Variants in PRRC2B observed in about 807,000 individuals in gnomAD.
PRRC2B encodes protein PRRC2B.
Under a neutral mutation model 242.3 loss-of-function variants are expected in PRRC2B, and 68 were observed. The ratio of observed to expected loss-of-function variants is 0.28; its 90% CI spans 0.23 to 0.34. The LOEUF is 0.34. Ranked by LOEUF, PRRC2B falls within the 10% of genes least tolerant of loss-of-function variation. The pLI is 1.00. For missense variants in PRRC2B, 2,835 were observed against 2,954.8 expected, an observed-to-expected ratio of 0.96 and a Z score of 0.94; for synonymous variants, 1,228 against 1,173.6, an observed-to-expected ratio of 1.05 and a Z score of -0.95.
In PRRC2B at chr9:131,465,030, A is replaced by T. The variant is rs766484896; in HGVS notation, c.1672A>T (p.Ser558Cys). The part of the protein sequence containing the change: ...QAEKEVPWSP[S>C]AEKASPQENG... ...AGAGAAGGAAGTGCCCTGGTCTCCAAGTGCTGAGAAGGCATCTCCCCAGGA... is the reference window on the plus strand; with the variant it reads ...AGAGAAGGAAGTGCCCTGGTCTCCATGTGCTGAGAAGGCATCTCCCCAGGA... The change falls in exon 12 of 32, where the codon AGT becomes TGT. Residue 558 changes from serine to cysteine, a missense_variant. Physicochemically the swap from Ser to Cys is moderately radical, Grantham distance 112. This residue lies in a region of PRRC2B where 1,536 missense variants were observed against 1,483.1 expected (regional missense o/e 1.04). Transcript: ENST00000683519. 4 of 1,613,954 alleles carry T rather than the reference A, an allele frequency of 2.5e-6. No individual in the cohort carries two copies. In the East Asian group the frequency reaches 8.9e-5, roughly 36 times the overall value.
intron 5 of PRRC2B, among the ~76,000 whole-genome samples, chr9:131,440,093 G>A (rs1439549230): frequency 2.6e-5 from 4 of 151,944 alleles, no homozygotes; most frequent in Admixed American, 2.0e-4. Flanking sequence ...GATTGGTTGC[G>A]ACGAGATCTC....
intron 1 of PRRC2B, among the ~76,000 whole-genome samples, chr9:131,402,478 TTTTA>T (rs1318326752): frequency 6.6e-6 from 1 of 152,226 alleles, no homozygotes; most frequent in Non-Finnish European, 1.5e-5. Flanking sequence ...ATCTACCACA[TTTTA>T]TTTATTCATT....
intron 1 of PRRC2B, among the ~76,000 whole-genome samples, chr9:131,410,099 G>A (rs1301549196): frequency 6.6e-6 from 1 of 152,180 alleles, no homozygotes; most frequent in Non-Finnish European, 1.5e-5. Context: ...CTCACCATAT[G>A]TTGAAATCAT....
chr9:131,397,255 C>T (rs1165369476), intron 1 of PRRC2B, among the ~76,000 whole-genome samples: 1 of 152,222 alleles, frequency 6.6e-6, no homozygotes, highest in Non-Finnish European at 1.5e-5. Flanking sequence ...ATGCTGATTG[C>T]ATGCCCTTGC....
At chr9:131,441,991 T>C (rs200634414) in intron 5 of PRRC2B, among the ~76,000 whole-genome samples, 9 of 146,626 alleles carry the variant, frequency 6.1e-5, no homozygotes, top group Admixed American at 2.1e-4. Flanking sequence ...TTTTTTTTTT[T>C]CCTACCCTTT....
At position 131,488,018 on chromosome 9, in the gene PRRC2B, A is replaced by C; in HGVS notation, c.6147A>C (p.Gln2049His). The part of the protein sequence containing the change: ...GSPYQPMSGN[Q>H]ALVYEGQLSQ... ...CCTACCAGCCCATGAGCGGGAACCA[A>C]GCCCTGGTCTACGAGGGCCAGCTCA... The change falls in exon 28 of 32, where the codon CAA (glutamine) becomes CAC (histidine). Residue 2049 changes from glutamine to histidine, a missense_variant. Coordinates refer to ENST00000683519, the MANE Select transcript of PRRC2B (RefSeq NM_013318.4). 2.5e-6 allele frequency: 4 copies of C among 1,612,632 alleles called. No individual in the cohort carries two copies. The highest frequency in any genetic ancestry group is 3.4e-6 in the Non-Finnish European group (4 of 1,179,324).
intron 9 of PRRC2B, among the ~76,000 whole-genome samples, chr9:131,450,107 A>AG (rs1283256951): frequency 6.6e-6 from 1 of 152,156 alleles, no homozygotes; most frequent in Non-Finnish European, 1.5e-5. Context: ...GTTTATAGTA[A>AG]ATCTTAAATT....
chr9:131,412,797 C>CTTTT lies in PRRC2B; in HGVS notation c.-51-17284_-51-17281dup, dbSNP rs35175798. 2.7e-4 allele frequency among the ~76,000 whole-genome samples: 37 copies of CTTTT among 138,012 alleles called. 1 individual carries two copies. Among genetic ancestry groups the CTTTT allele is most frequent in the South Asian group, 9.0e-4 (4 of 4,456 alleles). The allele number at this position is 138,012 out of a possible 152,430, so 90.5% of individuals were successfully genotyped here. A position where few individuals can be genotyped will look rare whatever the true frequency, so the allele number is the denominator to read the frequency against. On this transcript the variant is annotated intron_variant, in intron 1 of 31. Coordinates refer to ENST00000683519, the MANE Select transcript of PRRC2B (RefSeq NM_013318.4). Reference sequence around the variant, plus strand: ...AATAATCAAAGCATTCTCTCTCTCTCTTTTTTTTTTTTTTTTGAGAAGGAG... The same window carrying CTTTT: ...AATAATCAAAGCATTCTCTCTCTCTCTTTTTTTTTTTTTTTTTTTTGAGAAGGAG...
chr9:131,474,394 G>C (rs1943629691), intron 15 of PRRC2B, 60 bp from the exon 16 acceptor site: 1 of 1,415,088 alleles, frequency 7.1e-7, no homozygotes, highest in Non-Finnish European at 9.7e-7. Context: ...TCTGTGTTCA[G>C]CATGGAAACC....
chr9:131,472,471 A>ATTTTTTTTTTTTTTTTTT (rs749051569), intron 14 of PRRC2B, among the ~76,000 whole-genome samples: 1 of 91,522 alleles, frequency 1.1e-5, no homozygotes, highest in Non-Finnish European at 2.1e-5. Context: ...CGCCCAGCTA[A>ATTTTTTTTTTTTTTTTTT]TTTTTTTTTT....
intron 25 of PRRC2B, chr9:131,485,798 T>G (rs1588280740): frequency 1.5e-6 from 1 of 686,528 alleles, no homozygotes; most frequent in East Asian, 3.0e-5. Flanking sequence ...GTGTCTGGGG[T>G]AGTTGGTGAG....
Position 131,436,646 on chromosome 9 carries a change from C to T in PRRC2B, c.320C>T (p.Pro107Leu), listed in dbSNP as rs768941041. Residue 107 changes from proline to leucine, a missense_variant, in exon 4 of 32, where the codon CCG becomes CTG. By Grantham distance (98) the Pro-to-Leu change is moderately conservative (BLOSUM62 -3). Coordinates refer to ENST00000683519, the MANE Select transcript of PRRC2B (RefSeq NM_013318.4). Reference protein sequence around the residue: ...KSSSATASQPPESLPQPGLQK... With the variant: ...KSSSATASQPLESLPQPGLQK... ...TCCAGTGCGACGGCCTCTCAGCCGC[C>T]GGAGTCGCTGCCGCAGCCGGGTTTG... 6.2e-6 allele frequency: 10 copies of T among 1,613,960 alleles called. No homozygotes were observed. The highest frequency in any genetic ancestry group is 1.6e-4 in the Middle Eastern group (1 of 6,062).
chr9:131,465,882 G>A (rs536857386), intron 12 of PRRC2B, among the ~76,000 whole-genome samples: 2 of 152,228 alleles, frequency 1.3e-5, no homozygotes, highest in South Asian at 2.1e-4. Flanking sequence ...GTGCCACGAC[G>A]CCCAGCTAAT....
chr9:131,458,668 A>G (rs1245578348), intron 10 of PRRC2B, among the ~76,000 whole-genome samples: 2 of 151,860 alleles, frequency 1.3e-5, no homozygotes, highest in African/African-American at 4.8e-5. Flanking sequence ...ACACCTGGCT[A>G]ATTTTTGTAT....
intron 1 of PRRC2B, among the ~76,000 whole-genome samples, chr9:131,420,468 TCTTTCTTTCTTTCTTTCTTTCTTTC>T (rs1351073133): frequency 1.4e-3 from 14 of 10,342 alleles, no homozygotes; most frequent in African/African-American, 2.5e-3. Context: ...TTTCTTTCTT[TCTTTCTTTCTTTCTTTCTTTCTTTC>T]TTTTTTTTTT....
At chr9:131,462,539 T>G (rs1198128495) in intron 11 of PRRC2B, among the ~76,000 whole-genome samples, 1 of 151,598 alleles carries the variant, frequency 6.6e-6, no homozygotes. Flanking sequence ...TTAAGAAAAT[T>G]TTTAAGAATT....
chr9:131,409,411 T>C (rs1350610046), intron 1 of PRRC2B, among the ~76,000 whole-genome samples: 1 of 151,622 alleles, frequency 6.6e-6, no homozygotes, highest in Admixed American at 6.6e-5. Flanking sequence ...CTCGAACGCC[T>C]GACCCCAGGT....
chr9:131,388,988 A>G (rs918858110), intron 1 of PRRC2B, among the ~76,000 whole-genome samples: 2 of 148,544 alleles, frequency 1.3e-5, no homozygotes, highest in African/African-American at 4.9e-5. Context: ...CTACAAGTGC[A>G]TGCCGCCACT....
intron 6 of PRRC2B, 146 bp downstream of exon 6, chr9:131,444,474 C>A: frequency 3.3e-6 from 3 of 902,816 alleles, no homozygotes; most frequent in Non-Finnish European, 4.9e-6. Flanking sequence ...GTGATCTGTG[C>A]ATCCATTGGA....
Sources: allele counts gnomAD v4.1 joint callset (sites outside exome capture counted in the v4.1 genomes callset), GRCh38; gene constraint gnomAD v4.1.1; regional missense constraint gnomAD v4.1.1; transcripts MANE v1.5; gene names NCBI Gene and HGNC (gene_info 2026-07-23, HGNC 2026-07-21).